The following RHBDD1 variants were observed in gnomAD, a reference collection of about 807,000 sequenced individuals.
RHBDD1 encodes the protein rhomboid-related protein 4.
Under a neutral mutation model 36.3 loss-of-function variants are expected in RHBDD1, and 38 were observed. That is an observed-to-expected ratio of 1.05 (90% CI 0.81 to 1.37). RHBDD1 has a LOEUF of 1.37. Among genes scored for constraint, RHBDD1 ranks in the 40% most tolerant of loss-of-function variants. The pLI, the probability that RHBDD1 is intolerant of heterozygous loss-of-function variation, is 0.00. For missense variants in RHBDD1, 393 were observed against 377.6 expected, an observed-to-expected ratio of 1.04 and a Z score of -0.34; for synonymous variants, 151 against 136.5, an observed-to-expected ratio of 1.11 and a Z score of -0.74.
chr2:226,925,763 T>C (rs1949625192), intron 8 of RHBDD1, among the ~76,000 whole-genome samples: 1 of 152,228 alleles, frequency 6.6e-6, no homozygotes, highest in African/African-American at 2.4e-5. Flanking sequence ...AAAACATTCA[T>C]TCAAAATAAA....
intron 5 of RHBDD1, among the ~76,000 whole-genome samples, chr2:226,894,821 A>G (rs570054936): frequency 1.2e-3 from 177 of 152,302 alleles, no homozygotes; most frequent in Admixed American, 4.0e-3. Flanking sequence ...TGGACAGGGA[A>G]ACTTTAGCAT....
chr2:226,810,795 T>A, the RHBDD1 span: 1 of 152,276 alleles, frequency 6.6e-6, no homozygotes, highest in East Asian at 1.9e-4. Context: ...GCCAGCTGTA[T>A]GCTTAAACAC....
chr2:226,925,212 A>G (rs1041993077), intron 8 of RHBDD1, among the ~76,000 whole-genome samples: 2 of 152,254 alleles, frequency 1.3e-5, no homozygotes, highest in Non-Finnish European at 2.9e-5. Flanking sequence ...GCTTACCTTC[A>G]GTGATTCCTT....
chr2:226,839,979 A>G (rs892946371), intron 3 of RHBDD1, among the ~76,000 whole-genome samples: 1 of 152,152 alleles, frequency 6.6e-6, no homozygotes, highest in Non-Finnish European at 1.5e-5. Context: ...CAACTACTCT[A>G]TATTTATATA....
At chr2:226,880,649 T>C (rs555547841) in intron 5 of RHBDD1, among the ~76,000 whole-genome samples, 66 of 152,302 alleles carry the variant, frequency 4.3e-4, no homozygotes, top group African/African-American at 1.6e-3. Flanking sequence ...TGGACAATGA[T>C]CTTCCCATTC....
intron 8 of RHBDD1, among the ~76,000 whole-genome samples, chr2:226,965,266 T>C (rs1472584889): frequency 2.6e-5 from 4 of 152,192 alleles, no homozygotes; most frequent in Non-Finnish European, 5.9e-5. Context: ...CAAGCTGGGC[T>C]AGAGGCATGG....
At chr2:226,861,467 CT>C (rs2125189678) in intron 3 of RHBDD1, among the ~76,000 whole-genome samples, 1 of 152,330 alleles carries the variant, frequency 6.6e-6, no homozygotes, top group South Asian at 2.1e-4. Context: ...ACTGGGAATT[CT>C]GTCCTTTTAT....
intron 8 of RHBDD1, among the ~76,000 whole-genome samples, chr2:226,934,128 A>G (rs1231522523): frequency 6.6e-6 from 1 of 152,172 alleles, no homozygotes; most frequent in African/African-American, 2.4e-5. Context: ...AACAGACCAC[A>G]TATGTGACAG....
At chr2:226,897,933 T>G (rs538219187) in intron 5 of RHBDD1, among the ~76,000 whole-genome samples, 47 of 152,180 alleles carry the variant, frequency 3.1e-4, no homozygotes, top group African/African-American at 9.4e-4. Context: ...GAGCCGAGAT[T>G]GCGCCATTGT....
rs1944186434 is a variant in RHBDD1 at position 226,864,824 on chromosome 2, AC to A, written c.134del (p.Pro45LeufsTer49). 6.2e-7 allele frequency: 1 copy of A among 1,613,860 alleles called. No individual in the cohort carries two copies. Among genetic ancestry groups the A allele is most frequent in the African/African-American group, 1.3e-5 (1 of 74,874 alleles). On this transcript the variant is annotated frameshift_variant, in exon 4 of 9. Transcript: ENST00000392062. LOFTEE classifies it high-confidence loss of function. Reference sequence around the variant, plus strand: ...GCCCTCAACATCTGGTTCTTCTTGAACCCTCAGAAGCCACTGTATAGCTCCT... The same window carrying A: ...GCCCTCAACATCTGGTTCTTCTTGAACCTCAGAAGCCACTGTATAGCTCCT... ...TLALNIWFFL[N>X]PQKPLYSSCL...
intron 8 of RHBDD1, among the ~76,000 whole-genome samples, chr2:226,949,414 A>T (rs1951261592): frequency 6.6e-6 from 1 of 152,172 alleles, no homozygotes; most frequent in Admixed American, 6.5e-5. Flanking sequence ...TACCAGCAGC[A>T]TTGTAAGTGA....
chr2:226,840,360 G>T (rs13411864), intron 3 of RHBDD1, among the ~76,000 whole-genome samples: 2,087 of 152,262 alleles, frequency 0.014, 41 homozygotes, highest in African/African-American at 0.048. Flanking sequence ...GCATGTTGGG[G>T]TTATTTACCA....
At chr2:226,856,000 A>G (rs965626521) in intron 3 of RHBDD1, among the ~76,000 whole-genome samples, 2 of 152,184 alleles carry the variant, frequency 1.3e-5, no homozygotes, top group African/African-American at 2.4e-5. Flanking sequence ...TGGATTAGAT[A>G]GCCGGAAAAA....
intron 8 of RHBDD1, among the ~76,000 whole-genome samples, chr2:226,979,086 C>A (rs138240647): frequency 5.3e-5 from 8 of 152,214 alleles, no homozygotes; most frequent in African/African-American, 1.9e-4. Flanking sequence ...AGAAGCTATT[C>A]GTGTGGCTCA....
intron 5 of RHBDD1, among the ~76,000 whole-genome samples, chr2:226,899,704 G>C (rs1947433893): frequency 6.6e-6 from 1 of 152,198 alleles, no homozygotes; most frequent in African/African-American, 2.4e-5. Flanking sequence ...ATCAGCAGCA[G>C]TAGATCCTAT....
At position 226,839,448 on chromosome 2, in the gene RHBDD1, G is replaced by A. The variant is rs1022077218; in HGVS notation, c.-270G>A. 2.6e-5 allele frequency: 4 copies of A among 152,078 alleles called. No homozygotes were observed. Among genetic ancestry groups the A allele is most frequent in the African/African-American group, 9.7e-5 (4 of 41,404 alleles). The allele number at this position is 152,078 out of a possible 1,614,324, so 9.4% of individuals were successfully genotyped here. A position where few individuals can be genotyped will look rare whatever the true frequency, so the allele number is the denominator to read the frequency against. The stretch of plus-strand genomic sequence containing the variant: ...AGAATCTTACCTGTAAAACTCAGGA[G>A]CCGAGAAGCTTTAAGAACAGTGAGG... On this transcript the variant is annotated 5_prime_UTR_variant, in exon 3 of 9. Transcript: ENST00000392062.
Position 226,995,478 on chromosome 2 carries a change from G to GA in RHBDD1, c.906dup (p.Glu303ArgfsTer12). ...ACCCTACGGGTTTCATCTCTCACCA[G>GA]AAGAAATGAGGAGACAGCGGCTTCA... On this transcript the variant is annotated frameshift_variant, in exon 9 of 9. Transcript: ENST00000392062. LOFTEE classifies it high-confidence loss of function. 1 of 1,613,326 alleles carries GA rather than the reference G, an allele frequency of 6.2e-7. No homozygotes were observed. Among genetic ancestry groups the GA allele is most frequent in the East Asian group, 2.2e-5 (1 of 44,880 alleles).
chr2:226,974,392 T>G (rs947218474), intron 8 of RHBDD1, among the ~76,000 whole-genome samples: 1 of 151,890 alleles, frequency 6.6e-6, no homozygotes, highest in Non-Finnish European at 1.5e-5. Context: ...CGCCCACCAC[T>G]GGGCCTGGCT....
intron 3 of RHBDD1, among the ~76,000 whole-genome samples, chr2:226,845,003 G>T (rs1942067551): frequency 6.6e-6 from 1 of 152,036 alleles, no homozygotes; most frequent in East Asian, 1.9e-4. Context: ...AAAGAATTTT[G>T]CCAGCTGATG....
Sources: allele counts gnomAD v4.1 joint callset (sites outside exome capture counted in the v4.1 genomes callset), GRCh38; gene constraint gnomAD v4.1.1; transcripts MANE v1.5; gene names NCBI Gene and HGNC (gene_info 2026-07-23, HGNC 2026-07-21).